The following XPO5 variants were observed in gnomAD, a reference collection of about 807,000 sequenced individuals.
The protein encoded by XPO5 is exportin-5.
XPO5 carries 46 observed loss-of-function variants against 160.6 expected under a neutral mutation model. The observed-to-expected ratio is 0.29, with a 90% confidence interval of 0.23 to 0.37. The LOEUF (loss-of-function observed/expected upper bound fraction) is 0.37. Ranked by LOEUF, XPO5 falls within the 10% of genes least tolerant of loss-of-function variation. XPO5 has a pLI of 1.00. For missense variants in XPO5, 1,090 were observed against 1,463.9 expected (o/e 0.74, Z 4.17); for synonymous variants, 537 against 519.3 (o/e 1.03, Z -0.46).
At chr6:43,556,133 A>G (rs1166852698) in intron 12 of XPO5, 169 bp from the exon 13 acceptor site, 1 of 896,348 alleles carries the variant, frequency 1.1e-6, no homozygotes, top group African/African-American at 1.7e-5. Context: ...TAACGAATCC[A>G]GAAGTTTTTG....
chr6:43,567,357 A>G lies in XPO5; in HGVS notation c.649-3T>C, dbSNP rs758813078. The G allele has an allele frequency of 8.1e-6, 13 of 1,597,456 alleles. No homozygotes were observed. In the South Asian group the frequency reaches 1.2e-4, roughly 15 times the overall value. ...CCTACTCGACAGTTTGCTTGCGCCTACCAGAAAAGAAGTAACTTTGGACCA... is the reference window on the plus strand; with the variant it reads ...CCTACTCGACAGTTTGCTTGCGCCTGCCAGAAAAGAAGTAACTTTGGACCA... On this transcript the variant is annotated splice_region_variant and splice_polypyrimidine_tract_variant and intron_variant, in intron 6 of 31. Coordinates refer to ENST00000265351, the MANE Select transcript of XPO5 (RefSeq NM_020750.3).
chr6:43,564,471 G>C lies in XPO5; in HGVS notation c.911+1189C>G, dbSNP rs141430560. 6.5e-3 allele frequency among the ~76,000 whole-genome samples: 990 copies of C among 152,014 alleles called. 11 individuals are homozygous for C. Among genetic ancestry groups the C allele is most frequent in the African/African-American group, 0.022 (908 of 41,470 alleles). On this transcript the variant is annotated intron_variant, in intron 8 of 31. Transcript: ENST00000265351. ...TTGAACCCGGGAGGCAGAGGTTGCA[G>C]TGAGCTGAGATCGCATCATTGCACC...
chr6:43,553,120 C>T (rs1182215946), intron 14 of XPO5, among the ~76,000 whole-genome samples: 2 of 152,030 alleles, frequency 1.3e-5, no homozygotes, highest in Non-Finnish European at 1.5e-5. Flanking sequence ...TTGAGATCAG[C>T]CTGGGCAACA....
intron 7 of XPO5, among the ~76,000 whole-genome samples, chr6:43,566,811 TAA>T (rs56147929): frequency 1.1e-3 from 115 of 101,630 alleles, no homozygotes; most frequent in Non-Finnish European, 1.6e-3. Flanking sequence ...CTGTTTCAAT[TAA>T]AAAAAAAAAA....
chr6:43,524,332 A>G, intron 31 of XPO5, 139 bp downstream of exon 31: 4 of 1,211,562 alleles, frequency 3.3e-6, no homozygotes, highest in Admixed American at 2.9e-5. Context: ...AGCCTGGGCA[A>G]CAAGAGTGAA....
chr6:43,522,745 G>C lies in XPO5; in HGVS notation c.*1123C>G, dbSNP rs1561860115. ...AGTGGACTGGATGGACAACAGGTCT[G>C]TTTTTGTGCAGAGCACATGGACACA... On this transcript the variant is annotated 3_prime_UTR_variant, in exon 32 of 32. Transcript: ENST00000265351. 6.1e-6 allele frequency: 3 copies of C among 495,858 alleles called. No homozygotes were observed. Among genetic ancestry groups the C allele is most frequent in the Non-Finnish European group, 1.3e-5 (3 of 236,496 alleles). The allele number at this position is 495,858 out of a possible 1,614,324, so 30.7% of individuals were successfully genotyped here. A position where few individuals can be genotyped will look rare whatever the true frequency, so the allele number is the denominator to read the frequency against.
intron 24 of XPO5, 38 bp from the exon 25 acceptor site, chr6:43,528,243 GA>G: frequency 6.4e-7 from 1 of 1,553,000 alleles, no homozygotes; most frequent in Non-Finnish European, 8.7e-7. Context: ...TAGAATTGGG[GA>G]AAGGATTGGA....
chr6:43,539,900 G>A (rs1477095292), intron 20 of XPO5, among the ~76,000 whole-genome samples: 3 of 152,212 alleles, frequency 2.0e-5, no homozygotes, highest in Admixed American at 6.5e-5. Context: ...CTATCTTGTT[G>A]AGTTAGAATA....
At chr6:43,536,758 TAAAAAAAAAAAAAA>T (rs1156884252) in intron 20 of XPO5, among the ~76,000 whole-genome samples, 10 of 19,100 alleles carry the variant, frequency 5.2e-4, no homozygotes, top group South Asian at 6.6e-3. Flanking sequence ...AGACTCTATC[TAAAAAAAAAAAAAA>T]AAAAAAAAAA....
chr6:43,562,268 G>C lies in XPO5; in HGVS notation c.990C>G (p.Gly330=). 6.2e-7 allele frequency: 1 copy of C among 1,607,764 alleles called. No homozygotes were observed. The change falls in exon 9 of 32, where the codon GGC becomes GGG. Residue 330 remains glycine (G), a synonymous_variant. Coordinates refer to ENST00000265351, the MANE Select transcript of XPO5 (RefSeq NM_020750.3). The part of the protein sequence containing the change: ...KRLCQVLCAL[G]NQLCALLGAD... ...TCACCAGCAATGCACACAGCTGATT[G>C]CCCAGCGCACACAACACCTGACAGA... is the stretch of plus-strand genomic sequence containing the variant.
At chr6:43,560,367 T>C (rs1322708496) in intron 10 of XPO5, 64 bp from the exon 11 acceptor site, 1 of 1,497,214 alleles carries the variant, frequency 6.7e-7, no homozygotes, top group Non-Finnish European at 8.9e-7. Context: ...GATTATTACT[T>C]AGCAGTTATC....
chr6:43,525,308 T>TC, intron 28 of XPO5, 94 bp from the exon 29 acceptor site: 1 of 1,224,946 alleles, frequency 8.2e-7, no homozygotes, highest in Non-Finnish European at 1.1e-6. Context: ...TTTTTTTTTT[T>TC]TCCTCCCCCC....
intron 12 of XPO5, chr6:43,556,166 T>C: frequency 3.4e-6 from 2 of 590,048 alleles, no homozygotes; most frequent in South Asian, 5.3e-5. Flanking sequence ...CTCTGGAAAC[T>C]GTATTACCAG....
At chr6:43,554,412 C>T (rs1290295814) in intron 13 of XPO5, among the ~76,000 whole-genome samples, 3 of 147,124 alleles carry the variant, frequency 2.0e-5, no homozygotes, top group Non-Finnish European at 3.0e-5. Flanking sequence ...TGCCCAGCCG[C>T]TTTTCTTTTC....
At position 43,570,485 on chromosome 6, in the gene XPO5, G is replaced by A. The variant is rs558499525; in HGVS notation, c.621+17C>T. On this transcript the variant is annotated intron_variant, in intron 5 of 31. Transcript: ENST00000265351. ...ATATTGGAAAATAGAAATGTTATAG[G>A]TAGGGGTATCCCTTACCACTTGCTG... 2 of 1,607,122 alleles carry A rather than the reference G, an allele frequency of 1.2e-6. No individual in the cohort carries two copies. The highest frequency in any genetic ancestry group is 2.2e-5 in the South Asian group (2 of 90,052).
chr6:43,569,161 G>A (rs548653716), intron 5 of XPO5, among the ~76,000 whole-genome samples: 5 of 151,846 alleles, frequency 3.3e-5, no homozygotes, highest in Admixed American at 2.0e-4. Flanking sequence ...GTGTGCTGGC[G>A]CATGCCTGTA....
chr6:43,533,671 A>G, intron 21 of XPO5: 1 of 298,260 alleles, frequency 3.4e-6, no homozygotes, highest in South Asian at 3.3e-5. Flanking sequence ...ACTCTGTCTC[A>G]ACAAAAAAAT....
intron 13 of XPO5, 121 bp downstream of exon 13, chr6:43,555,715 G>A: frequency 8.2e-7 from 1 of 1,222,530 alleles, no homozygotes; most frequent in Middle Eastern, 2.1e-4. Flanking sequence ...GATGAGCAAA[G>A]CTATTTTTGA....
intron 20 of XPO5, 26 bp from the exon 21 acceptor site, chr6:43,534,033 G>C: frequency 6.4e-7 from 1 of 1,557,080 alleles, no homozygotes; most frequent in Non-Finnish European, 8.8e-7. Flanking sequence ...ATGCTATTGA[G>C]CTTTTCCATC....
Sources: allele counts gnomAD v4.1 joint callset (sites outside exome capture counted in the v4.1 genomes callset), GRCh38; gene constraint gnomAD v4.1.1; transcripts MANE v1.5; gene names NCBI Gene and HGNC (gene_info 2026-07-23, HGNC 2026-07-21).